RARB: variants seen among roughly 807,000 people sequenced by gnomAD.
RARB encodes HBV-activated protein.
A neutral mutation model predicts 51.9 loss-of-function variants in RARB; 17 were observed. That is an observed-to-expected ratio of 0.33 (90% CI 0.22 to 0.49). The LOEUF (loss-of-function observed/expected upper bound fraction) is 0.49. Ranked by LOEUF, RARB falls within the 20% of genes least tolerant of loss-of-function variation. The pLI, the probability that RARB is intolerant of heterozygous loss-of-function variation, is 0.99. For synonymous variants in RARB, 215 were observed against 195.4 expected, an observed-to-expected ratio of 1.10 and a Z score of -0.84; for missense variants, 369 against 550.8, an observed-to-expected ratio of 0.67 and a Z score of 3.30.
intron 5 of RARB, among the ~76,000 whole-genome samples, chr3:25,281,213 G>A (rs1015244564): frequency 6.6e-5 from 10 of 152,152 alleles, no homozygotes; most frequent in Non-Finnish European, 1.2e-4. Context: ...AAGAAATTTG[G>A]GAATGGAGCC....
At chr3:24,902,522 G>A (rs1371149808) in intron 2 of RARB, among the ~76,000 whole-genome samples, 1 of 152,124 alleles carries the variant, frequency 6.6e-6, no homozygotes, top group Non-Finnish European at 1.5e-5. Flanking sequence ...ACAACGTGAG[G>A]ATGATAAAAA....
chr3:25,014,491 G>A (rs1420041201), intron 2 of RARB, among the ~76,000 whole-genome samples: 2 of 152,076 alleles, frequency 1.3e-5, no homozygotes, highest in African/African-American at 2.4e-5. Context: ...GACTGGCAGC[G>A]TACAGACCCC....
intron 2 of RARB, among the ~76,000 whole-genome samples, chr3:25,055,139 G>T (rs1037161760): frequency 3.9e-5 from 6 of 152,094 alleles, no homozygotes; most frequent in African/African-American, 1.4e-4. Flanking sequence ...CAAATTAAAA[G>T]CCAAAGTTTC....
At chr3:25,382,367 C>A (rs1020015039) in intron 5 of RARB, among the ~76,000 whole-genome samples, 1 of 151,666 alleles carries the variant, frequency 6.6e-6, no homozygotes, top group Non-Finnish European at 1.5e-5. Context: ...CTCTTTAGGG[C>A]AAATCACTGT....
chr3:25,239,157 T>A (rs1402077706), intron 5 of RARB, among the ~76,000 whole-genome samples: 1 of 152,234 alleles, frequency 6.6e-6, no homozygotes, highest in African/African-American at 2.4e-5. Flanking sequence ...TGGGATTGTT[T>A]ATTACTATTA....
intron 2 of RARB, among the ~76,000 whole-genome samples, chr3:24,994,440 A>G (rs1204021938): frequency 6.6e-6 from 1 of 151,992 alleles, no homozygotes; most frequent in South Asian, 2.1e-4. Flanking sequence ...TTCTCCCATT[A>G]GGTAGGTTGT....
At chr3:24,895,059 T>TTAATCTG (rs1451429944) in intron 2 of RARB, among the ~76,000 whole-genome samples, 1 of 152,232 alleles carries the variant, frequency 6.6e-6, no homozygotes. Context: ...GATATAAGAC[T>TTAATCTG]TAATCTGTTT....
chr3:25,299,655 A>G (rs958193546), intron 5 of RARB, among the ~76,000 whole-genome samples: 1 of 152,226 alleles, frequency 6.6e-6, no homozygotes, highest in African/African-American at 2.4e-5. Context: ...AAAAGACCAT[A>G]CAATTGGTTT....
At chr3:24,849,671 C>A (rs954495924) in intron 1 of RARB, among the ~76,000 whole-genome samples, 1 of 152,226 alleles carries the variant, frequency 6.6e-6, no homozygotes, top group Non-Finnish European at 1.5e-5. Context: ...TAAAGCACAT[C>A]GCAGCATTCT....
intron 5 of RARB, chr3:25,345,843 A>T (rs1575329112): frequency 1.1e-6 from 1 of 890,292 alleles, no homozygotes; most frequent in Admixed American, 6.2e-5. Context: ...CCTAAGAGAC[A>T]CCTCCAAAAT....
intron 4 of RARB, among the ~76,000 whole-genome samples, chr3:25,570,685 G>C (rs1190618537): frequency 1.3e-5 from 2 of 152,208 alleles, no homozygotes; most frequent in East Asian, 3.9e-4. Context: ...GTTTTTGCAT[G>C]TATTATGTTC....
At chr3:25,446,831 A>T (rs1251982590) in intron 1 of RARB, among the ~76,000 whole-genome samples, 8 of 138,250 alleles carry the variant, frequency 5.8e-5, no homozygotes, top group East Asian at 2.2e-4. Flanking sequence ...AAAAAAAAAA[A>T]TTAAAAAATG....
At chr3:25,225,281 G>A (rs979512559) in intron 5 of RARB, among the ~76,000 whole-genome samples, 1 of 148,332 alleles carries the variant, frequency 6.7e-6, no homozygotes, top group African/African-American at 2.4e-5. Context: ...ACTTCAAGAA[G>A]AGGTGACTTG....
chr3:25,006,328 G>T (rs1343473796), intron 2 of RARB, among the ~76,000 whole-genome samples: 3 of 152,026 alleles, frequency 2.0e-5, no homozygotes, highest in Admixed American at 6.6e-5. Context: ...GTTTATTGTA[G>T]TTTGAGCTAT....
chr3:25,409,452 G>C (rs6550974), intron 5 of RARB, among the ~76,000 whole-genome samples: 1 of 151,740 alleles, frequency 6.6e-6, no homozygotes, highest in Non-Finnish European at 1.5e-5. Flanking sequence ...CATAGACTCA[G>C]TTTATTCAAA....
At chr3:25,486,416 G>A (rs1047127013) in intron 2 of RARB, among the ~76,000 whole-genome samples, 2 of 152,168 alleles carry the variant, frequency 1.3e-5, no homozygotes, top group African/African-American at 4.8e-5. Flanking sequence ...TACTTGGGTA[G>A]AGGTAGAAGT....
chr3:24,852,835 G>A (rs1197953257), intron 1 of RARB, among the ~76,000 whole-genome samples: 1 of 152,168 alleles, frequency 6.6e-6, no homozygotes, highest in Non-Finnish European at 1.5e-5. Context: ...AGTGTTTGAG[G>A]CTGGTGGTGG....
At chr3:25,085,089 G>C (rs1477810379) in intron 3 of RARB, among the ~76,000 whole-genome samples, 1 of 152,110 alleles carries the variant, frequency 6.6e-6, no homozygotes, top group Non-Finnish European at 1.5e-5. Flanking sequence ...TATAAGACAT[G>C]CATCATTCCA....
intron 2 of RARB, among the ~76,000 whole-genome samples, chr3:25,047,136 T>C (rs1698234068): frequency 6.6e-6 from 1 of 152,196 alleles, no homozygotes; most frequent in African/African-American, 2.4e-5. Flanking sequence ...GAATTTGTCT[T>C]GAGCTTTACA....
Sources: gnomAD v4.1 joint callset for allele counts (sites outside exome capture counted in the v4.1 genomes callset) on GRCh38, gnomAD v4.1.1 for gene constraint, MANE v1.5 for transcripts, NCBI Gene and HGNC (gene_info 2026-07-23, HGNC 2026-07-21) for gene names.